Variants in RAPGEF1 observed in about 807,000 individuals in gnomAD.
The protein encoded by RAPGEF1 is Rap guanine nucleotide exchange factor 1.
RAPGEF1 carries 33 observed loss-of-function variants against 143.3 expected under a neutral mutation model. That is an observed-to-expected ratio of 0.23 (90% CI 0.17 to 0.31). The LOEUF is 0.31. Among genes scored for constraint, RAPGEF1 ranks in the 10% least tolerant of loss-of-function variants. The pLI is 1.00. For synonymous variants in RAPGEF1, 629 were observed against 676.5 expected, an observed-to-expected ratio of 0.93 and a Z score of 1.09; for missense variants, 1,199 against 1,645.4, an observed-to-expected ratio of 0.73 and a Z score of 4.69.
chr9:131,707,077 G>C (rs1345857847), intron 1 of RAPGEF1, among the ~76,000 whole-genome samples: 1 of 152,214 alleles, frequency 6.6e-6, no homozygotes, highest in South Asian at 2.1e-4. Flanking sequence ...CAATCCAAAC[G>C]TAAGTAAACA....
intron 1 of RAPGEF1, among the ~76,000 whole-genome samples, chr9:131,733,208 A>G (rs1489547544): frequency 6.6e-6 from 1 of 152,050 alleles, no homozygotes; most frequent in Non-Finnish European, 1.5e-5. Context: ...TCTTATGTAT[A>G]AAAAAGGGCC....
chr9:131,716,520 C>T (rs1033742288), intron 1 of RAPGEF1, among the ~76,000 whole-genome samples: 3 of 152,208 alleles, frequency 2.0e-5, no homozygotes, highest in Non-Finnish European at 2.9e-5. Flanking sequence ...AATCCCAGCA[C>T]TTTGGGAGGC....
rs974087642 is a variant in RAPGEF1 at position 131,621,672 on chromosome 9, G to A, written c.1905+124C>T. 10 of 1,004,368 alleles carry A rather than the reference G, an allele frequency of 1.0e-5. No individual in the cohort carries two copies. Among genetic ancestry groups the A allele is most frequent in the Admixed American group, 4.7e-5 (2 of 42,354 alleles). The allele number at this position is 1,004,368 out of a possible 1,614,324, so 62.2% of individuals were successfully genotyped here. A position where few individuals can be genotyped will look rare whatever the true frequency, so the allele number is the denominator to read the frequency against. On this transcript the variant is annotated intron_variant, in intron 11 of 26. Transcript: ENST00000683357. This position sits in a 1 kb window ranked among gnomAD's most constrained non-coding sequence, Gnocchi z 4.5. ...CTGTGTGGGAGATGGTGCCTTCCAC[G>A]CCCAAAACCAGGGCCCTGCCACAGC...
At chr9:131,635,758 G>A (rs1966212381) in intron 5 of RAPGEF1, among the ~76,000 whole-genome samples, 1 of 152,108 alleles carries the variant, frequency 6.6e-6, no homozygotes, top group South Asian at 2.1e-4. Flanking sequence ...CAGCAGGTTG[G>A]GGGTGGGAAT....
chr9:131,613,402 T>C (rs370814365), intron 12 of RAPGEF1, among the ~76,000 whole-genome samples: 3 of 152,006 alleles, frequency 2.0e-5, no homozygotes, highest in East Asian at 3.9e-4. Context: ...AAGCTGGCCC[T>C]GGTTCTGCAG....
chr9:131,727,207 T>A (rs941985667), intron 1 of RAPGEF1, among the ~76,000 whole-genome samples: 2 of 152,204 alleles, frequency 1.3e-5, no homozygotes, highest in East Asian at 3.8e-4. Flanking sequence ...CAGACCTGAC[T>A]GAACTAAGTC....
At chr9:131,601,860 T>C (rs367741995) in intron 15 of RAPGEF1, among the ~76,000 whole-genome samples, 4 of 152,176 alleles carry the variant, frequency 2.6e-5, no homozygotes, top group East Asian at 1.9e-4. Flanking sequence ...TGAGCTGCAA[T>C]TGTGCCACTG....
chr9:131,595,441 A>C (rs1156929456), intron 17 of RAPGEF1, among the ~76,000 whole-genome samples: 1 of 152,256 alleles, frequency 6.6e-6, no homozygotes, highest in Admixed American at 6.5e-5. Flanking sequence ...ACAGGGACAG[A>C]GTCCCTTACA....
At chr9:131,627,844 A>G in intron 9 of RAPGEF1, 69 bp downstream of exon 9, 1 of 1,493,596 alleles carries the variant, frequency 6.7e-7, no homozygotes, top group Non-Finnish European at 9.0e-7. Context: ...TGGGACTCCC[A>G]CCCAGGACTG....
intron 1 of RAPGEF1, among the ~76,000 whole-genome samples, chr9:131,702,947 T>C (rs140915412): frequency 6.6e-6 from 1 of 152,184 alleles, no homozygotes; most frequent in East Asian, 1.9e-4. Context: ...CTATGAAAAA[T>C]ATGCATCGTG....
intron 18 of RAPGEF1, among the ~76,000 whole-genome samples, chr9:131,590,327 G>A (rs28423970): frequency 0.038 from 5,719 of 152,206 alleles, 352 homozygotes; most frequent in African/African-American, 0.13. Flanking sequence ...GGTAGAGAAC[G>A]GTGGGCCCAA....
chr9:131,614,159 C>G (rs1006107245), intron 12 of RAPGEF1, among the ~76,000 whole-genome samples: 2 of 151,788 alleles, frequency 1.3e-5, no homozygotes, highest in East Asian at 3.9e-4. Context: ...CAAGGAGGGG[C>G]TGCCTTGAGA....
rs2132046904 is a variant in RAPGEF1 at position 131,578,895 on chromosome 9, C to CGT, written c.*600_*601dup. 1 of 152,728 alleles carries CGT rather than the reference C, an allele frequency of 6.5e-6. No individual in the cohort carries two copies. The highest frequency in any genetic ancestry group is 2.4e-5 in the African/African-American group (1 of 41,572). The allele number at this position is 152,728 out of a possible 1,614,324, so 9.5% of individuals were successfully genotyped here. ...AGCACCAGCTGCGGGGCTGCTAAGG[C>CGT]GTCACCTGCGTACCTTTCCGGGCCT... is the stretch of plus-strand genomic sequence containing the variant. On this transcript the variant is annotated 3_prime_UTR_variant, in exon 27 of 27. Transcript: ENST00000683357.
chr9:131,591,629 G>C (rs1954282205), intron 18 of RAPGEF1, among the ~76,000 whole-genome samples: 2 of 152,190 alleles, frequency 1.3e-5, no homozygotes, highest in African/African-American at 4.8e-5. Context: ...CTCCAGGGAA[G>C]GTGACTGTGC....
chr9:131,603,456 G>C (rs1956603594), intron 14 of RAPGEF1, among the ~76,000 whole-genome samples: 1 of 152,216 alleles, frequency 6.6e-6, no homozygotes, highest in South Asian at 2.1e-4. Context: ...TCAGGAGGGG[G>C]TGTGCATAGT....
intron 16 of RAPGEF1, 111 bp from the exon 17 acceptor site, chr9:131,596,484 C>T: frequency 9.4e-7 from 1 of 1,067,064 alleles, no homozygotes; most frequent in Non-Finnish European, 1.4e-6. Context: ...AACCCCAAGT[C>T]CCCTCTCCTT....
chr9:131,607,887 T>G (rs997189704), intron 12 of RAPGEF1, among the ~76,000 whole-genome samples: 2 of 152,214 alleles, frequency 1.3e-5, no homozygotes, highest in Non-Finnish European at 2.9e-5. Context: ...GGCTTTTGTG[T>G]CATCACAAAA....
At chr9:131,729,786 C>A (rs1836906529) in intron 1 of RAPGEF1, among the ~76,000 whole-genome samples, 1 of 152,240 alleles carries the variant, frequency 6.6e-6, no homozygotes, top group Non-Finnish European at 1.5e-5. Flanking sequence ...TTAAATCACA[C>A]ACACACGTCT....
Position 131,604,306 on chromosome 9 carries a change from G to A in RAPGEF1, c.2320-253C>T, listed in dbSNP as rs72759807. Among the ~76,000 whole-genome samples, 1,256 of 152,328 alleles carry A rather than the reference G, an allele frequency of 8.2e-3. 8 individuals are homozygous for A. Among genetic ancestry groups the A allele is most frequent in the Non-Finnish European group, 0.012 (824 of 68,026 alleles). ...TGGAGACAGCAGGGGTCCCCAGTGT[G>A]GCGGGAAACGATTATGGAGGGAGAG... On this transcript the variant is annotated intron_variant, in intron 13 of 26. Coordinates refer to ENST00000683357, the MANE Select transcript of RAPGEF1 (RefSeq NM_001377935.1).
Sources: allele counts gnomAD v4.1 joint callset (sites outside exome capture counted in the v4.1 genomes callset), GRCh38; gene constraint gnomAD v4.1.1; non-coding constraint Gnocchi (gnomAD v3.1); transcripts MANE v1.5; gene names NCBI Gene and HGNC (gene_info 2026-07-23, HGNC 2026-07-21).